GALNT13: variants seen among roughly 807,000 people sequenced by gnomAD.
GALNT13 encodes the protein UDP-GalNAc:polypeptide N-acetylgalactosaminyltransferase 13.
In GALNT13, 28 loss-of-function variants were observed where a neutral mutation model predicts 64.2. That is an observed-to-expected ratio of 0.44 (90% CI 0.32 to 0.60). The LOEUF (loss-of-function observed/expected upper bound fraction) is 0.60. GALNT13 is among the 20% of genes least tolerant of loss of function. GALNT13 has a pLI of 0.05. For synonymous variants in GALNT13, 214 were observed against 224.6 expected (o/e 0.95, Z 0.42); for missense variants, 577 against 669.8 (o/e 0.86, Z 1.53).
the GALNT13 span, among the ~76,000 whole-genome samples, chr2:153,309,752 A>G: frequency 6.6e-6 from 1 of 152,120 alleles, no homozygotes; most frequent in African/African-American, 2.4e-5. Context: ...TAAAGAAATT[A>G]CATATAGTAT....
At chr2:153,283,750 G>A in the GALNT13 span, among the ~76,000 whole-genome samples, 1 of 152,178 alleles carries the variant, frequency 6.6e-6, no homozygotes, top group Non-Finnish European at 1.5e-5. Context: ...GGAAGGGTAA[G>A]GCCATTCTGG....
the GALNT13 span, among the ~76,000 whole-genome samples, chr2:153,384,280 C>T: frequency 6.6e-6 from 1 of 152,036 alleles, no homozygotes; most frequent in African/African-American, 2.4e-5. Context: ...CAAATGAAAT[C>T]TGAAGACTTA....
At chr2:153,403,725 G>C in the GALNT13 span, among the ~76,000 whole-genome samples, 1 of 152,136 alleles carries the variant, frequency 6.6e-6, no homozygotes, top group African/African-American at 2.4e-5. Context: ...TTTTGACTCG[G>C]AAAGGGAACT....
At chr2:153,884,360 A>G (rs56273439) in intron 1 of GALNT13, among the ~76,000 whole-genome samples, 24,812 of 151,808 alleles carry the variant, frequency 0.16, 2,473 homozygotes, top group East Asian at 0.27. Context: ...GAGGCATCAT[A>G]ATCCATAAAG....
At chr2:153,684,117 A>G in the GALNT13 span, among the ~76,000 whole-genome samples, 1 of 151,450 alleles carries the variant, frequency 6.6e-6, no homozygotes, top group African/African-American at 2.4e-5. Context: ...TAGTCAATGT[A>G]TTTATTTAAA....
At chr2:154,025,137 G>T (rs1165743719) in intron 3 of GALNT13, among the ~76,000 whole-genome samples, 10 of 152,104 alleles carry the variant, frequency 6.6e-5, no homozygotes, top group African/African-American at 2.4e-4. Context: ...CTACTCGGGG[G>T]TCATGGACCC....
At chr2:154,456,559 C>A (rs1390109381), downstream of GALNT13, among the ~76,000 whole-genome samples, 1 of 151,870 alleles carries the variant, frequency 6.6e-6, no homozygotes, top group Non-Finnish European at 1.5e-5. Context: ...ATGAATATCT[C>A]CTTGCACCAA....
the GALNT13 span, among the ~76,000 whole-genome samples, chr2:153,419,075 A>G: frequency 6.6e-6 from 1 of 152,204 alleles, no homozygotes; most frequent in Non-Finnish European, 1.5e-5. Flanking sequence ...CTATGAAGAA[A>G]TACCCGAGAC....
chr2:153,689,579 T>C, the GALNT13 span, among the ~76,000 whole-genome samples: 1 of 152,130 alleles, frequency 6.6e-6, no homozygotes, highest in Non-Finnish European at 1.5e-5. Flanking sequence ...AATTTAAATC[T>C]ATAACACTAT....
chr2:154,366,035 C>G (rs1697343655), intron 9 of GALNT13, among the ~76,000 whole-genome samples: 1 of 152,048 alleles, frequency 6.6e-6, no homozygotes, highest in African/African-American at 2.4e-5. Context: ...GAACTAAAGC[C>G]TGTTGATGTG....
the GALNT13 span, among the ~76,000 whole-genome samples, chr2:153,486,188 G>A: frequency 1.2e-4 from 19 of 152,078 alleles, no homozygotes; most frequent in African/African-American, 4.3e-4. Flanking sequence ...CACCTGCCTC[G>A]GCCTCCCAAA....
At chr2:153,819,198 G>C in the GALNT13 span, among the ~76,000 whole-genome samples, 1 of 152,130 alleles carries the variant, frequency 6.6e-6, no homozygotes, top group East Asian at 1.9e-4. Context: ...CAGCAGTACT[G>C]CTATATTTGA....
intron 3 of GALNT13, among the ~76,000 whole-genome samples, chr2:153,980,030 A>G (rs1215040606): frequency 6.6e-6 from 1 of 152,192 alleles, no homozygotes; most frequent in East Asian, 1.9e-4. Flanking sequence ...TAAAGACAGA[A>G]TTGCATGTTG....
intron 9 of GALNT13, among the ~76,000 whole-genome samples, chr2:154,310,665 T>A (rs2105126667): frequency 6.6e-6 from 1 of 152,264 alleles, no homozygotes; most frequent in East Asian, 1.9e-4. Context: ...AACCCTCCTG[T>A]AACAACTTCT....
chr2:154,034,558 A>G (rs1473128890), intron 3 of GALNT13, among the ~76,000 whole-genome samples: 1 of 139,108 alleles, frequency 7.2e-6, no homozygotes, highest in Non-Finnish European at 1.5e-5. Flanking sequence ...CGTACTCATT[A>G]AATAATTTCT....
intron 4 of GALNT13, among the ~76,000 whole-genome samples, chr2:154,227,012 A>C (rs576806677): frequency 6.6e-6 from 1 of 152,244 alleles, no homozygotes; most frequent in African/African-American, 2.4e-5. Flanking sequence ...CTGCTCAAAT[A>C]AAGTGCAATT....
chr2:153,912,756 C>T (rs1399415209), intron 2 of GALNT13, among the ~76,000 whole-genome samples: 1 of 152,084 alleles, frequency 6.6e-6, no homozygotes, highest in Non-Finnish European at 1.5e-5. Flanking sequence ...GTTTTCTGGC[C>T]CCTCATGGTT....
At chr2:153,679,081 G>A in the GALNT13 span, among the ~76,000 whole-genome samples, 1 of 151,922 alleles carries the variant, frequency 6.6e-6, no homozygotes, top group East Asian at 1.9e-4. Flanking sequence ...ACAAGCATGA[G>A]TACTAGCTAG....
intron 4 of GALNT13, among the ~76,000 whole-genome samples, chr2:154,203,231 A>G (rs1687267185): frequency 6.6e-6 from 1 of 152,130 alleles, no homozygotes; most frequent in African/African-American, 2.4e-5. Flanking sequence ...GCAGAAAATT[A>G]TGGGAGAATA....
Sources: gnomAD v4.1 joint callset for allele counts (sites outside exome capture counted in the v4.1 genomes callset) on GRCh38, gnomAD v4.1.1 for gene constraint, MANE v1.5 for transcripts, NCBI Gene and HGNC (gene_info 2026-07-23, HGNC 2026-07-21) for gene names.